The following DRGX variants were observed in gnomAD, a reference collection of about 807,000 sequenced individuals.
DRGX encodes dorsal root ganglia homeobox.
DRGX carries 21 observed loss-of-function variants against 28.6 expected under a neutral mutation model. The ratio of observed to expected loss-of-function variants is 0.73; its 90% CI spans 0.52 to 1.06. DRGX has a LOEUF of 1.06. Among genes scored for constraint, DRGX ranks in the 50% least tolerant of loss-of-function variants. The pLI, the probability that DRGX is intolerant of heterozygous loss-of-function variation, is 0.00. For synonymous variants in DRGX, 136 were observed against 139.1 expected, an observed-to-expected ratio of 0.98 and a Z score of 0.16; for missense variants, 354 against 343.9, an observed-to-expected ratio of 1.03 and a Z score of -0.23.
intron 6 of DRGX, among the ~76,000 whole-genome samples, chr10:49,376,487 C>T (rs550396413): frequency 6.6e-6 from 1 of 152,278 alleles, no homozygotes; most frequent in East Asian, 1.9e-4. Context: ...GGGAGACTCT[C>T]CCATGGGAGA....
intron 4 of DRGX, among the ~76,000 whole-genome samples, chr10:49,387,286 T>C (rs1208401749): frequency 6.6e-6 from 1 of 152,120 alleles, no homozygotes; most frequent in African/African-American, 2.4e-5. Flanking sequence ...GTGTGTCTGG[T>C]CTGGCCTCAT....
intron 6 of DRGX, among the ~76,000 whole-genome samples, chr10:49,376,270 C>T (rs1376473632): frequency 6.6e-6 from 1 of 152,304 alleles, no homozygotes; most frequent in South Asian, 2.1e-4. Context: ...ACCTGTCTTC[C>T]TGACATCAGC....
At chr10:49,385,741 C>T (rs1849825498) in intron 6 of DRGX, among the ~76,000 whole-genome samples, 1 of 152,110 alleles carries the variant, frequency 6.6e-6, no homozygotes, top group African/African-American at 2.4e-5. Flanking sequence ...ATGCCTCCAC[C>T]TCCCAGACCC....
chr10:49,391,127 A>G, intron 3 of DRGX, 37 bp downstream of exon 3: 10 of 1,601,438 alleles, frequency 6.2e-6, no homozygotes, highest in Non-Finnish European at 8.6e-6. Context: ...GGAGGTAGGA[A>G]GTAGCTGATG....
intron 2 of DRGX, among the ~76,000 whole-genome samples, chr10:49,393,881 G>T (rs1247049815): frequency 6.6e-6 from 1 of 152,184 alleles, no homozygotes; most frequent in Non-Finnish European, 1.5e-5. Context: ...GCCAGGCCAG[G>T]ACTCTCCCTA....
intron 6 of DRGX, among the ~76,000 whole-genome samples, chr10:49,384,986 G>C (rs973862766): frequency 2.6e-5 from 4 of 152,206 alleles, no homozygotes; most frequent in African/African-American, 9.7e-5. Context: ...GGGCTGGGTA[G>C]ACATAGGATT....
At chr10:49,370,027 C>T (rs1167775478) in intron 6 of DRGX, among the ~76,000 whole-genome samples, 1 of 152,132 alleles carries the variant, frequency 6.6e-6, no homozygotes, top group East Asian at 1.9e-4. Context: ...CACGTCCCTC[C>T]AGCTCTTGAC....
At chr10:49,368,014 C>T (rs201075927) in intron 6 of DRGX, among the ~76,000 whole-genome samples, 2 of 152,158 alleles carry the variant, frequency 1.3e-5, no homozygotes, top group African/African-American at 2.4e-5. Flanking sequence ...CCCAAGACAG[C>T]CTTCCTAATG....
At chr10:49,381,721 G>C (rs1375839214) in intron 6 of DRGX, among the ~76,000 whole-genome samples, 1 of 152,216 alleles carries the variant, frequency 6.6e-6, no homozygotes, top group Non-Finnish European at 1.5e-5. Context: ...TCACATTCTA[G>C]CTGGGGGCTG....
intron 6 of DRGX, among the ~76,000 whole-genome samples, chr10:49,368,659 G>A (rs1478649308): frequency 4.6e-5 from 7 of 152,214 alleles, no homozygotes; most frequent in Non-Finnish European, 1.5e-5. Flanking sequence ...CTGCCCAAAC[G>A]CACTCACTGG....
intron 6 of DRGX, among the ~76,000 whole-genome samples, chr10:49,382,735 C>T (rs984688093): frequency 2.0e-5 from 3 of 152,180 alleles, no homozygotes; most frequent in African/African-American, 7.2e-5. Context: ...AGCCATTCTC[C>T]AGAGGGGTCT....
At chr10:49,372,910 C>T (rs945287410) in intron 6 of DRGX, among the ~76,000 whole-genome samples, 2 of 152,088 alleles carry the variant, frequency 1.3e-5, no homozygotes, top group African/African-American at 4.8e-5. Flanking sequence ...CTTTCAAAAC[C>T]CCCTCCTAAT....
intron 6 of DRGX, among the ~76,000 whole-genome samples, chr10:49,367,428 A>G (rs1331187768): frequency 2.6e-5 from 4 of 152,194 alleles, no homozygotes; most frequent in African/African-American, 9.6e-5. Flanking sequence ...TTTTTCTTTC[A>G]ATTTATAAGT....
At chr10:49,384,077 A>T (rs906551664) in intron 6 of DRGX, among the ~76,000 whole-genome samples, 1 of 152,184 alleles carries the variant, frequency 6.6e-6, no homozygotes, top group Non-Finnish European at 1.5e-5. Context: ...CCTCTGCCCA[A>T]CCCGAATCTG....
At position 49,395,472 on chromosome 10, in the gene DRGX, A is replaced by G. The variant is rs1257785507; in HGVS notation, c.-32T>C. 6.5e-7 allele frequency: 1 copy of G among 1,549,506 alleles called. No homozygotes were observed. The highest frequency in any genetic ancestry group is 2.4e-5 in the East Asian group (1 of 40,902). On this transcript the variant is annotated 5_prime_UTR_variant, in exon 2 of 7. Coordinates refer to ENST00000374139, the MANE Select transcript of DRGX (RefSeq NM_001276451.2). ...CTGTCAGATCGGCTGGACGGCCGAG[A>G]CCTGGGAGGGTGGCAGCAGAACGGA...
chr10:49,375,779 A>G (rs1849709960), intron 6 of DRGX, among the ~76,000 whole-genome samples: 1 of 152,064 alleles, frequency 6.6e-6, no homozygotes, highest in African/African-American at 2.4e-5. Flanking sequence ...AGATCCAAGG[A>G]CACAGCCAGA....
In DRGX at chr10:49,377,213, G is replaced by A. The variant is rs114038730; in HGVS notation, c.526+9265C>T. On this transcript the variant is annotated intron_variant, in intron 6 of 6. Transcript: ENST00000374139. ...GATTCTTTCCTTCTTTTCCCAAACT[G>A]CATTACATTTTACTCTGCACCAGAC... Among the ~76,000 whole-genome samples, 547 of 152,304 alleles carry A rather than the reference G, an allele frequency of 3.6e-3. 3 individuals are homozygous for A. The highest frequency in any genetic ancestry group is 0.012 in the African/African-American group (515 of 41,570).
intron 2 of DRGX, among the ~76,000 whole-genome samples, chr10:49,393,117 G>A (rs1203948371): frequency 6.6e-6 from 1 of 152,012 alleles, no homozygotes; most frequent in Non-Finnish European, 1.5e-5. Flanking sequence ...TGGAAATACT[G>A]TAGTTGAAAA....
intron 2 of DRGX, among the ~76,000 whole-genome samples, chr10:49,392,595 G>T (rs772387057): frequency 6.6e-6 from 1 of 152,218 alleles, no homozygotes; most frequent in Non-Finnish European, 1.5e-5. Context: ...AATCTCTGAG[G>T]ATCTCCAATC....
Sources: gnomAD v4.1 joint callset for allele counts (sites outside exome capture counted in the v4.1 genomes callset) on GRCh38, gnomAD v4.1.1 for gene constraint, MANE v1.5 for transcripts, NCBI Gene and HGNC (gene_info 2026-07-23, HGNC 2026-07-21) for gene names.